Variants in CPN1 observed in about 807,000 individuals in gnomAD.
CPN1 encodes carboxypeptidase N subunit 1.
CPN1 carries 37 observed loss-of-function variants against 46.4 expected under a neutral mutation model. That is an observed-to-expected ratio of 0.80 (90% CI 0.61 to 1.05). The LOEUF (loss-of-function observed/expected upper bound fraction) is 1.05. Among genes scored for constraint, CPN1 ranks in the 50% least tolerant of loss-of-function variants. The pLI is 0.00. For synonymous variants in CPN1, 224 were observed against 235.4 expected (o/e 0.95, Z 0.44); for missense variants, 563 against 602.6 (o/e 0.93, Z 0.69).
At chr10:100,047,310 A>AAGGAGGAGGAGAAGAAAGAG (rs1297786423) in intron 8 of CPN1, among the ~76,000 whole-genome samples, 2 of 151,816 alleles carry the variant, frequency 1.3e-5, no homozygotes, top group African/African-American at 4.8e-5. Flanking sequence ...GGTCAAGGAG[A>AAGGAGGAGGAGAAGAAAGAG]AGGAGGAGGA....
At chr10:100,045,662 G>C (rs1392569431) in intron 8 of CPN1, among the ~76,000 whole-genome samples, 1 of 152,190 alleles carries the variant, frequency 6.6e-6, no homozygotes, top group Non-Finnish European at 1.5e-5. Flanking sequence ...CCCACCACTT[G>C]CTATGTGATA....
At chr10:100,064,967 G>T (rs1196713795) in intron 4 of CPN1, among the ~76,000 whole-genome samples, 1 of 152,060 alleles carries the variant, frequency 6.6e-6, no homozygotes, top group Non-Finnish European at 1.5e-5. Flanking sequence ...CTGCATCGTG[G>T]TAATTACTAT....
chr10:100,070,264 T>C (rs6584342), intron 2 of CPN1, among the ~76,000 whole-genome samples: 9,957 of 151,678 alleles, frequency 0.066, 1,044 homozygotes, highest in African/African-American at 0.23. Flanking sequence ...GGTGGATCAC[T>C]TGAGGTCAGA....
At chr10:100,077,219 G>A (rs1474371901) in intron 1 of CPN1, among the ~76,000 whole-genome samples, 6 of 146,726 alleles carry the variant, frequency 4.1e-5, no homozygotes. Context: ...TGACTTCCCC[G>A]GTTTTACCTT....
Position 100,081,725 on chromosome 10 carries a change from C to A in CPN1, c.-100G>T. On this transcript the variant is annotated 5_prime_UTR_variant, in exon 1 of 9. Transcript: ENST00000370418. ...AAAATCCAAGGTCCACCTAGCTTCC[C>A]GCTTGTAAACACCAGTCCAAATTGG... is the stretch of plus-strand genomic sequence containing the variant. 3 of 931,018 alleles carry A rather than the reference C, an allele frequency of 3.2e-6. No homozygotes were observed. Among genetic ancestry groups the A allele is most frequent in the East Asian group, 5.2e-5 (2 of 38,734 alleles). 57.7% of individuals were successfully genotyped at this position (931,018 alleles called of 1,614,324 possible). A position where few individuals can be genotyped will look rare whatever the true frequency, so the allele number is the denominator to read the frequency against.
At chr10:100,065,402 GCCAACT>G in intron 3 of CPN1, 32 bp from the exon 4 acceptor site, 1 of 1,613,002 alleles carries the variant, frequency 6.2e-7, no homozygotes, top group Non-Finnish European at 8.5e-7. Flanking sequence ...GCGGTGAAGG[GCCAACT>G]GGGGCTACCA....
chr10:100,056,381 C>A (rs1241753804), intron 6 of CPN1, among the ~76,000 whole-genome samples: 1 of 152,166 alleles, frequency 6.6e-6, no homozygotes, highest in Non-Finnish European at 1.5e-5. Flanking sequence ...TTAAATGTCA[C>A]CTCCTCTGTA....
At position 100,069,705 on chromosome 10, in the gene CPN1, A is replaced by G. The variant is rs371796965; in HGVS notation, c.576+9T>C. On this transcript the variant is annotated intron_variant, in intron 3 of 8. Transcript: ENST00000370418. ...TTTACCTGCTTTGTTTGCAAATTTC[A>G]TCTCCTACCTGACTTTTCCAGTTGT... The G allele has an allele frequency of 7.6e-4, 1,223 of 1,613,900 alleles. No homozygotes were observed. The highest frequency in any genetic ancestry group is 9.4e-4 in the Non-Finnish European group (1,105 of 1,179,980).
chr10:100,068,129 AG>A (rs1193373690), intron 3 of CPN1, among the ~76,000 whole-genome samples: 1 of 136,690 alleles, frequency 7.3e-6, no homozygotes, highest in Non-Finnish European at 1.5e-5. Context: ...TCCAGCCTGG[AG>A]GGTAAAAGAG....
In CPN1 at chr10:100,065,124, T is replaced by C. The variant is rs1471988242; in HGVS notation, c.759+64A>G. The C allele has an allele frequency of 3.8e-6, 6 of 1,565,284 alleles. No individual in the cohort carries two copies. The East Asian group carries it at 9.0e-5, about 24-fold the overall frequency. On this transcript the variant is annotated intron_variant, in intron 4 of 8. Transcript: ENST00000370418. ...CGCACTGAAAAGGGTTCTGTGTTAC[T>C]GACCTTAAGCTCACCTCCTGAGCCC... is the stretch of plus-strand genomic sequence containing the variant.
At chr10:100,067,000 T>C in intron 3 of CPN1, among the ~76,000 whole-genome samples, 1 of 152,200 alleles carries the variant, frequency 6.6e-6, no homozygotes, top group Non-Finnish European at 1.5e-5. Flanking sequence ...AGACAGAGGA[T>C]TGAGTGGGAG....
At chr10:100,081,217 G>A (rs1473388639) in intron 1 of CPN1, among the ~76,000 whole-genome samples, 186 bp downstream of exon 1, 1 of 152,230 alleles carries the variant, frequency 6.6e-6, no homozygotes, top group Non-Finnish European at 1.5e-5. Flanking sequence ...GAAGGCTGAA[G>A]GAGGGTTATA....
At chr10:100,054,485 T>G in intron 6 of CPN1, 39 bp from the exon 7 acceptor site, 1 of 1,492,840 alleles carries the variant, frequency 6.7e-7, no homozygotes, top group East Asian at 2.3e-5. Flanking sequence ...ATAAAACATT[T>G]GTACCATTTG....
In CPN1 at chr10:100,042,446, A is replaced by G. The variant is rs1207220125; in HGVS notation, c.1358T>C (p.Leu453Pro). 1 of 1,613,450 alleles carries G rather than the reference A, an allele frequency of 6.2e-7. No homozygotes were observed. The highest frequency in any genetic ancestry group is 1.7e-5 in the Admixed American group (1 of 59,994). The change falls in exon 9 of 9, where the codon CTG becomes CCG. Residue 453 changes from leucine (L) to proline (P), a missense_variant. Transcript: ENST00000370418. ...ARKKEMEMRQ[L>P]QRGPA Reference sequence around the variant, plus strand: ...TGGGTTTCAGGCAGGGCCTCTCTGCAGCTGCCTCATCTCCATTTCTTTCTT... The same window carrying G: ...TGGGTTTCAGGCAGGGCCTCTCTGCGGCTGCCTCATCTCCATTTCTTTCTT...
chr10:100,048,853 G>C lies in CPN1; in HGVS notation c.1135C>G (p.Leu379Val). Residue 379 changes from leucine to valine, a missense_variant, in exon 8 of 9, where the codon CTG becomes GTG. Coordinates refer to ENST00000370418, the MANE Select transcript of CPN1 (RefSeq NM_001308.3). ...ACAGTGTAGATACCTGGAAGCAGCA[G>C]CCGGAAGTAATCACCATGGTCACCT... ...TSGDHGDYFR[L>V]LLPGIYTVSA... 6.2e-7 allele frequency: 1 copy of C among 1,613,576 alleles called. No homozygotes were observed.
chr10:100,063,827 A>G, intron 4 of CPN1, 102 bp from the exon 5 acceptor site: 1 of 833,316 alleles, frequency 1.2e-6, no homozygotes, highest in Admixed American at 1.8e-5. Context: ...TGCTGGGTAT[A>G]TAAACAGTGG....
At chr10:100,055,072 T>C (rs1352886500) in intron 6 of CPN1, among the ~76,000 whole-genome samples, 1 of 151,782 alleles carries the variant, frequency 6.6e-6, no homozygotes, top group Non-Finnish European at 1.5e-5. Flanking sequence ...ACCCCGTCTC[T>C]ATTAAAAATA....
intron 7 of CPN1, among the ~76,000 whole-genome samples, chr10:100,050,112 G>A (rs1041653329): frequency 5.3e-5 from 8 of 152,262 alleles, no homozygotes; most frequent in Admixed American, 2.6e-4. Context: ...CAGCACTTTG[G>A]GAGGCCCAGG....
rs2041435542 is a variant in CPN1 at position 100,063,712 on chromosome 10, T to C, written c.773A>G (p.Tyr258Cys). ...DKLFQKLAKV[Y>C]SYAHGWMFQG... Reference sequence around the variant, plus strand: ...GAACATCCATCCATGTGCATAGGAGTAGACCTTGGCCAGCTAGAGGAAAAG... The same window carrying C: ...GAACATCCATCCATGTGCATAGGAGCAGACCTTGGCCAGCTAGAGGAAAAG... The change falls in exon 5 of 9, where the codon TAC becomes TGC. Residue 258 changes from tyrosine to cysteine, a missense_variant. Coordinates refer to ENST00000370418, the MANE Select transcript of CPN1 (RefSeq NM_001308.3). The C allele has an allele frequency of 6.2e-7, 1 of 1,613,506 alleles. No homozygotes were observed. The highest frequency in any genetic ancestry group is 1.1e-5 in the South Asian group (1 of 91,076).
Sources: gnomAD v4.1 joint callset for allele counts (sites outside exome capture counted in the v4.1 genomes callset) on GRCh38, gnomAD v4.1.1 for gene constraint, MANE v1.5 for transcripts, NCBI Gene and HGNC (gene_info 2026-07-23, HGNC 2026-07-21) for gene names.